ZNF529: variants seen among roughly 807,000 people sequenced by gnomAD.
ZNF529 encodes the protein zinc finger protein 529.
ZNF529 carries 11 observed loss-of-function variants against 10.1 expected under a neutral mutation model. That is an observed-to-expected ratio of 1.09 (90% CI 0.69 to 1.81). The LOEUF is 1.81. Among genes scored for constraint, ZNF529 ranks in the 40% most tolerant of loss-of-function variants. The pLI, the probability that ZNF529 is intolerant of heterozygous loss-of-function variation, is 0.00. For synonymous variants in ZNF529, 204 were observed against 215.7 expected, an observed-to-expected ratio of 0.95 and a Z score of 0.47; for missense variants, 624 against 666.8, an observed-to-expected ratio of 0.94 and a Z score of 0.71.
rs1322935851 is a variant in ZNF529, at chr19:36,547,861, C to T, written c.697G>A (p.Gly233Arg). ...GVKPCKYMEY[G>R]NTCSFYKDFN... ...TCTTTATAAAAACTACATGTATTCC[C>T]ATATTCCATATATTTACAAGGTTTC... is the stretch of plus-strand genomic sequence containing the variant. The change falls in exon 5 of 5, where the codon GGG becomes AGG. Residue 233 changes from glycine (G) to arginine (R), a missense_variant. Gly to Arg is a moderately radical substitution (Grantham distance 125). Coordinates refer to ENST00000591340, the MANE Select transcript of ZNF529 (RefSeq NM_020951.5). 6.2e-7 allele frequency: 1 copy of T among 1,610,966 alleles called. No individual in the cohort carries two copies. The highest frequency in any genetic ancestry group is 1.3e-5 in the African/African-American group (1 of 74,950).
At chr19:36,601,337 C>T (rs935346226) in intron 1 of ZNF529, among the ~76,000 whole-genome samples, 1 of 151,962 alleles carries the variant, frequency 6.6e-6, no homozygotes, top group Non-Finnish European at 1.5e-5. Flanking sequence ...ATCTCCTGAC[C>T]TCGTGATCCG....
intron 4 of ZNF529, 142 bp from the exon 5 acceptor site, chr19:36,548,464 C>T (rs1172500234): frequency 1.4e-5 from 11 of 799,818 alleles, no homozygotes; most frequent in South Asian, 4.1e-5. Context: ...CACAGAGTAA[C>T]AGCAGAACAT....
At chr19:36,559,496 A>T (rs2035600672) in intron 2 of ZNF529, among the ~76,000 whole-genome samples, 1 of 152,192 alleles carries the variant, frequency 6.6e-6, no homozygotes, top group Non-Finnish European at 1.5e-5. Context: ...TTTAATAGAG[A>T]CGGGGTTTCA....
chr19:36,604,631 G>A (rs891586386), intron 1 of ZNF529, among the ~76,000 whole-genome samples: 3 of 152,128 alleles, frequency 2.0e-5, no homozygotes, highest in Non-Finnish European at 2.9e-5. Flanking sequence ...GCCATACGGG[G>A]ACCTTGTCCA....
intron 2 of ZNF529, among the ~76,000 whole-genome samples, chr19:36,558,625 C>G (rs1166654035): frequency 6.6e-6 from 1 of 151,994 alleles, no homozygotes; most frequent in Non-Finnish European, 1.5e-5. Context: ...ACACCACTTA[C>G]AAAAATTAAC....
At chr19:36,599,611 A>G (rs1216628892) in intron 1 of ZNF529, among the ~76,000 whole-genome samples, 1 of 152,228 alleles carries the variant, frequency 6.6e-6, no homozygotes, top group Non-Finnish European at 1.5e-5. Flanking sequence ...AACATTTTCT[A>G]GATAATAAAA....
At chr19:36,585,160 A>G (rs1222011908) in intron 2 of ZNF529, among the ~76,000 whole-genome samples, 1 of 152,156 alleles carries the variant, frequency 6.6e-6, no homozygotes, top group Admixed American at 6.5e-5. Flanking sequence ...TAGTGGGGAG[A>G]AACAACAAAC....
At chr19:36,561,416 T>G (rs1330994020) in intron 2 of ZNF529, among the ~76,000 whole-genome samples, 8 of 150,708 alleles carry the variant, frequency 5.3e-5, no homozygotes, top group South Asian at 4.2e-4. Context: ...AGACTCTCAC[T>G]GTATTGCCCA....
At chr19:36,598,460 C>T (rs768161264) in intron 1 of ZNF529, among the ~76,000 whole-genome samples, 9 of 151,728 alleles carry the variant, frequency 5.9e-5, no homozygotes, top group Admixed American at 2.6e-4. Flanking sequence ...TACAGTGTGC[C>T]TTGATTGCAC....
upstream of ZNF529, chr19:36,577,370 G>A (rs186452248): frequency 1.5e-4 from 47 of 307,018 alleles, no homozygotes; most frequent in Non-Finnish European, 2.8e-4. Context: ...GGGTCATGTT[G>A]CACCACTGTT....
chr19:36,577,437 G>A (rs2036352391), upstream of ZNF529: 1 of 192,472 alleles, frequency 5.2e-6, no homozygotes, highest in Non-Finnish European at 1.1e-5. Context: ...CTATTCTAGT[G>A]GTCACCAGAG....
intron 1 of ZNF529, among the ~76,000 whole-genome samples, chr19:36,596,199 G>A (rs1008535355): frequency 1.9e-4 from 29 of 150,408 alleles, no homozygotes; most frequent in Admixed American, 6.7e-5. Flanking sequence ...TCAGCCTCCT[G>A]AGTAGCTGGG....
intron 1 of ZNF529, among the ~76,000 whole-genome samples, chr19:36,572,660 G>A: frequency 6.6e-6 from 1 of 152,154 alleles, no homozygotes; most frequent in African/African-American, 2.4e-5. Context: ...TCCCAGGAAT[G>A]AATACTACAC....
chr19:36,575,781 A>C (rs955114772), upstream of ZNF529, among the ~76,000 whole-genome samples: 3 of 152,084 alleles, frequency 2.0e-5, no homozygotes, highest in Non-Finnish European at 2.9e-5. Flanking sequence ...TTATTAGTTA[A>C]CCAGGCAGGT....
At position 36,548,253 on chromosome 19, in the gene ZNF529, T is replaced by G; in HGVS notation, c.305A>C (p.Gln102Pro). Residue 102 changes from glutamine to proline, a missense_variant, in exon 5 of 5, where the codon CAG (glutamine) becomes CCG (proline). Gln to Pro is a moderately conservative substitution (Grantham distance 76). Transcript: ENST00000591340. The stretch of plus-strand genomic sequence containing the variant: ...CTTGCTACTTTCCATTACCTCCCAC[T>G]GAGAACCAGTGTTTTGAATAATATC... ...GKDIIQNTGSQWEVMESSKLC... is the reference protein window; with the variant it reads ...GKDIIQNTGSPWEVMESSKLC... 6.2e-7 allele frequency: 1 copy of G among 1,613,352 alleles called. No homozygotes were observed. Among genetic ancestry groups the G allele is most frequent in the Non-Finnish European group, 8.5e-7 (1 of 1,179,624 alleles).
At chr19:36,560,754 A>G (rs1318177822) in intron 2 of ZNF529, among the ~76,000 whole-genome samples, 2 of 152,236 alleles carry the variant, frequency 1.3e-5, no homozygotes, top group African/African-American at 2.4e-5. Context: ...AATTAAGCCA[A>G]TATAAATCAG....
At chr19:36,556,286 T>A in intron 2 of ZNF529, 89 bp from the exon 3 acceptor site, 1 of 688,942 alleles carries the variant, frequency 1.5e-6, no homozygotes, top group Non-Finnish European at 2.6e-6. Flanking sequence ...AAACATTAGT[T>A]TAAGAGAATC....
intron 4 of ZNF529, among the ~76,000 whole-genome samples, chr19:36,553,196 G>A (rs1374404761): frequency 6.6e-6 from 1 of 152,140 alleles, no homozygotes; most frequent in Non-Finnish European, 1.5e-5. Context: ...CGCAATCTTG[G>A]CTCACTGCAA....
chr19:36,566,846 C>A (rs2035917362), intron 2 of ZNF529, among the ~76,000 whole-genome samples: 1 of 151,926 alleles, frequency 6.6e-6, no homozygotes, highest in Non-Finnish European at 1.5e-5. Context: ...ATGGTAAAAT[C>A]CCATCTCTAC....
Sources: allele counts gnomAD v4.1 joint callset (sites outside exome capture counted in the v4.1 genomes callset), GRCh38; gene constraint gnomAD v4.1.1; transcripts MANE v1.5; gene names NCBI Gene and HGNC (gene_info 2026-07-23, HGNC 2026-07-21).